The following GPR158 variants were observed in gnomAD, a reference collection of about 807,000 sequenced individuals.
GPR158 encodes the protein metabotropic glycine receptor.
GPR158 carries 30 observed loss-of-function variants against 78.2 expected under a neutral mutation model. That is an observed-to-expected ratio of 0.38 (90% CI 0.29 to 0.52). GPR158 has a LOEUF of 0.52. GPR158 is among the 20% of genes least tolerant of loss of function. GPR158 has a pLI of 0.83. For synonymous variants in GPR158, 581 were observed against 591.1 expected (o/e 0.98, Z 0.25); for missense variants, 1,463 against 1,523.5 (o/e 0.96, Z 0.66).
At chr10:25,271,342 T>C (rs1382320902) in intron 2 of GPR158, among the ~76,000 whole-genome samples, 1 of 152,246 alleles carries the variant, frequency 6.6e-6, no homozygotes, top group Non-Finnish European at 1.5e-5. Context: ...TCTCTCTCAC[T>C]AAACTTTAAG....
chr10:25,378,150 A>C (rs1450876272), intron 2 of GPR158, among the ~76,000 whole-genome samples: 1 of 152,108 alleles, frequency 6.6e-6, no homozygotes. Flanking sequence ...ATAGTGCACA[A>C]ACTTAACTTG....
chr10:25,507,761 G>A (rs1042461375), intron 5 of GPR158, among the ~76,000 whole-genome samples: 3 of 152,116 alleles, frequency 2.0e-5, no homozygotes, highest in Admixed American at 2.0e-4. Flanking sequence ...TATGGCAAAG[G>A]GGAAAAGGAA....
chr10:25,209,555 G>C (rs536122223), intron 1 of GPR158, among the ~76,000 whole-genome samples: 1 of 152,136 alleles, frequency 6.6e-6, no homozygotes, highest in East Asian at 1.9e-4. Flanking sequence ...ACATGTAGTA[G>C]GGACACACAC....
At chr10:25,270,150 C>T (rs1192197901) in intron 2 of GPR158, among the ~76,000 whole-genome samples, 3 of 152,166 alleles carry the variant, frequency 2.0e-5, no homozygotes, top group African/African-American at 7.2e-5. Flanking sequence ...TTCAGGTGTA[C>T]TCCATTGTAG....
chr10:25,209,071 G>A (rs1440561221), intron 1 of GPR158, among the ~76,000 whole-genome samples: 1 of 152,014 alleles, frequency 6.6e-6, no homozygotes, highest in Non-Finnish European at 1.5e-5. Flanking sequence ...GGCCAGGCTA[G>A]TCTTGAACTC....
chr10:25,308,709 C>A (rs1193923644), intron 2 of GPR158, among the ~76,000 whole-genome samples: 1 of 152,142 alleles, frequency 6.6e-6, no homozygotes, highest in Non-Finnish European at 1.5e-5. Context: ...AACAATAACT[C>A]CTTTTTCTTC....
At chr10:25,331,249 C>A (rs1355952736) in intron 2 of GPR158, among the ~76,000 whole-genome samples, 1 of 152,102 alleles carries the variant, frequency 6.6e-6, no homozygotes, top group African/African-American at 2.4e-5. Flanking sequence ...CTAATAAATG[C>A]CTATTTTTAT....
At chr10:25,343,645 G>C (rs1855333597) in intron 2 of GPR158, among the ~76,000 whole-genome samples, 1 of 151,854 alleles carries the variant, frequency 6.6e-6, no homozygotes, top group African/African-American at 2.4e-5. Context: ...AACTGTTCTT[G>C]GACTTAATCC....
chr10:25,300,725 A>G (rs1304639897), intron 2 of GPR158, among the ~76,000 whole-genome samples: 1 of 152,190 alleles, frequency 6.6e-6, no homozygotes, highest in East Asian at 1.9e-4. Context: ...TCTTTTTATA[A>G]TGAGTGAGGG....
chr10:25,492,058 TCAGGCTG>T (rs1835817801), intron 5 of GPR158, among the ~76,000 whole-genome samples: 2 of 152,164 alleles, frequency 1.3e-5, no homozygotes, highest in Non-Finnish European at 2.9e-5. Context: ...GGTGGAGGTT[TCAGGCTG>T]CTTCCACTCA....
intron 4 of GPR158, among the ~76,000 whole-genome samples, chr10:25,460,757 A>T (rs531119940): frequency 5.3e-5 from 8 of 152,266 alleles, no homozygotes; most frequent in African/African-American, 1.7e-4. Context: ...GCTTTGCTCT[A>T]TTGTGCTTGA....
chr10:25,188,987 C>G (rs531792493), intron 1 of GPR158, among the ~76,000 whole-genome samples: 30 of 152,018 alleles, frequency 2.0e-4, no homozygotes, highest in Non-Finnish European at 3.1e-4. Flanking sequence ...ATGAATGGAC[C>G]CTTCTCAAAA....
chr10:25,469,783 C>CAAAAA (rs34432893), intron 5 of GPR158, among the ~76,000 whole-genome samples: 1 of 47,360 alleles, frequency 2.1e-5, no homozygotes. Flanking sequence ...GACTCCATCT[C>CAAAAA]AAAAAAAAAA....
Position 25,412,426 on chromosome 10 carries a change from C to T in GPR158, c.1288C>T (p.Leu430Phe), listed in dbSNP as rs370708465. 6.2e-7 allele frequency: 1 copy of T among 1,614,068 alleles called. No homozygotes were observed. Among genetic ancestry groups the T allele is most frequent in the Non-Finnish European group, 8.5e-7 (1 of 1,179,908 alleles). Residue 430 changes from leucine to phenylalanine, a missense_variant, in exon 4 of 11, where the codon CTC (leucine) becomes TTC (phenylalanine). Physicochemically the swap from Leu to Phe is conservative, Grantham distance 22. Transcript: ENST00000376351. ...CTCCTTCCAAGCCCTGTGTATGCTG[C>T]TCGACTTCGTTAGCATGCTGGTGGT... is the stretch of plus-strand genomic sequence containing the variant. ...IISFQALCML[L>F]DFVSMLVVYH...
intron 2 of GPR158, among the ~76,000 whole-genome samples, chr10:25,394,423 A>G (rs139664237): frequency 6.6e-6 from 1 of 152,324 alleles, no homozygotes; most frequent in Non-Finnish European, 1.5e-5. Flanking sequence ...TGTTATAGTT[A>G]CTTCTTTTAT....
chr10:25,275,294 C>A (rs1354985780), intron 2 of GPR158, among the ~76,000 whole-genome samples: 1 of 152,116 alleles, frequency 6.6e-6, no homozygotes, highest in Admixed American at 6.5e-5. Context: ...GAAGTCCACC[C>A]CAAACCTTCT....
intron 2 of GPR158, among the ~76,000 whole-genome samples, chr10:25,259,050 G>A (rs377145246): frequency 1.2e-4 from 18 of 152,168 alleles, no homozygotes; most frequent in African/African-American, 3.1e-4. Context: ...CCTTTATGAC[G>A]ATCCACTTCC....
chr10:25,347,819 A>G (rs998184664), intron 2 of GPR158, among the ~76,000 whole-genome samples: 3 of 152,030 alleles, frequency 2.0e-5, no homozygotes, highest in Non-Finnish European at 4.4e-5. Flanking sequence ...TTATAGTCGG[A>G]GAAGCTACAG....
intron 5 of GPR158, among the ~76,000 whole-genome samples, chr10:25,547,395 C>T (rs572992958): frequency 6.6e-6 from 1 of 152,194 alleles, no homozygotes; most frequent in South Asian, 2.1e-4. Flanking sequence ...TTACATGATT[C>T]CTCTTGTCTT....
Sources: gnomAD v4.1 joint callset for allele counts (sites outside exome capture counted in the v4.1 genomes callset) on GRCh38, gnomAD v4.1.1 for gene constraint, MANE v1.5 for transcripts, NCBI Gene and HGNC (gene_info 2026-07-23, HGNC 2026-07-21) for gene names.